The following FOXP2 variants were observed in gnomAD, a reference collection of about 807,000 sequenced individuals.
The protein encoded by FOXP2 is forkhead box P2.
In FOXP2, 12 loss-of-function variants were observed where a neutral mutation model predicts 115.8. The ratio of observed to expected loss-of-function variants is 0.10; its 90% confidence interval spans 0.07 to 0.17. The LOEUF (loss-of-function observed/expected upper bound fraction) is 0.17. FOXP2 is among the 10% of genes least tolerant of loss of function. The pLI is 1.00. For synonymous variants in FOXP2, 328 were observed against 297.7 expected, an observed-to-expected ratio of 1.10 and a Z score of -1.05; for missense variants, 629 against 843.5, an observed-to-expected ratio of 0.75 and a Z score of 3.15.
At chr7:114,108,426 T>G (rs1195067571) in intron 1 of FOXP2, among the ~76,000 whole-genome samples, 2 of 152,036 alleles carry the variant, frequency 1.3e-5, no homozygotes, top group African/African-American at 4.8e-5. Flanking sequence ...TCTGCTTTTG[T>G]TAATACATTT....
chr7:114,496,689 A>G (rs1797335011), intron 2 of FOXP2, among the ~76,000 whole-genome samples: 1 of 152,204 alleles, frequency 6.6e-6, no homozygotes, highest in South Asian at 2.1e-4. Context: ...CAGCAAATGT[A>G]TAGAAGGTTC....
upstream of FOXP2, among the ~76,000 whole-genome samples, chr7:114,161,638 GT>G (rs1792835566): frequency 6.6e-6 from 1 of 150,758 alleles, no homozygotes; most frequent in Admixed American, 6.6e-5. Context: ...ACACGTGTAT[GT>G]GTGTGTGTGT....
chr7:114,351,124 G>T (rs118183959), intron 2 of FOXP2, among the ~76,000 whole-genome samples: 1 of 152,246 alleles, frequency 6.6e-6, no homozygotes, highest in East Asian at 1.9e-4. Context: ...GAATCCATAA[G>T]TGCAGAACCC....
chr7:114,225,379 C>T (rs762238263), intron 1 of FOXP2, among the ~76,000 whole-genome samples: 26 of 151,162 alleles, frequency 1.7e-4, no homozygotes, highest in Non-Finnish European at 2.8e-4. Flanking sequence ...TACTTTGGCT[C>T]TCAACTTTTT....
At chr7:114,290,585 A>G (rs1485086982) in intron 2 of FOXP2, among the ~76,000 whole-genome samples, 2 of 152,104 alleles carry the variant, frequency 1.3e-5, no homozygotes, top group Admixed American at 1.3e-4. Flanking sequence ...TAAATGGACT[A>G]TGTAGGAAGC....
chr7:114,335,406 C>CA (rs1228062930), intron 2 of FOXP2, among the ~76,000 whole-genome samples: 9 of 151,682 alleles, frequency 5.9e-5, no homozygotes, highest in Non-Finnish European at 1.0e-4. Flanking sequence ...CACAAAGAAA[C>CA]AATTTATCTA....
intron 2 of FOXP2, among the ~76,000 whole-genome samples, chr7:114,373,423 A>G (rs1452820131): frequency 6.6e-6 from 1 of 152,218 alleles, no homozygotes; most frequent in Non-Finnish European, 1.5e-5. Context: ...CAGCCTGTCC[A>G]CAAATGCTGA....
intron 2 of FOXP2, among the ~76,000 whole-genome samples, chr7:114,379,985 T>C (rs1399964803): frequency 6.6e-6 from 1 of 152,214 alleles, no homozygotes; most frequent in Non-Finnish European, 1.5e-5. Context: ...TTTTTCCTGC[T>C]GAGTACTAGG....
intron 1 of FOXP2, among the ~76,000 whole-genome samples, chr7:114,425,778 T>A (rs994354384): frequency 1.3e-5 from 2 of 151,658 alleles, no homozygotes; most frequent in African/African-American, 4.8e-5. Context: ...TGATTGCTGC[T>A]CATGCATAAG....
intron 1 of FOXP2, among the ~76,000 whole-genome samples, chr7:114,256,332 C>T (rs923501583): frequency 1.3e-5 from 2 of 152,128 alleles, no homozygotes; most frequent in African/African-American, 2.4e-5. Context: ...GTCTCAAACT[C>T]CCAACCTCAG....
intron 1 of FOXP2, among the ~76,000 whole-genome samples, chr7:114,154,004 A>G (rs1584510894): frequency 6.6e-6 from 1 of 152,138 alleles, no homozygotes; most frequent in Non-Finnish European, 1.5e-5. Context: ...TTGTATTTGT[A>G]TTTTGTTATG....
chr7:114,339,178 G>A (rs1791132772), intron 2 of FOXP2, among the ~76,000 whole-genome samples: 1 of 151,038 alleles, frequency 6.6e-6, no homozygotes, highest in African/African-American at 2.4e-5. Flanking sequence ...TACTCCCAGT[G>A]GCTCAGTTCT....
chr7:114,570,955 A>C (rs141491371), intron 3 of FOXP2: 1 of 1,290,710 alleles, frequency 7.7e-7, no homozygotes, highest in Non-Finnish European at 1.1e-6. Flanking sequence ...TAAATAGATT[A>C]TATGTGATTT....
intron 2 of FOXP2, among the ~76,000 whole-genome samples, chr7:114,533,181 C>A (rs1397124413): frequency 6.6e-6 from 1 of 151,892 alleles, no homozygotes; most frequent in Non-Finnish European, 1.5e-5. Context: ...ACAAACTATG[C>A]CAGATCCTGC....
At chr7:114,189,784 A>C (rs1158409839) in intron 1 of FOXP2, among the ~76,000 whole-genome samples, 5 of 152,188 alleles carry the variant, frequency 3.3e-5, no homozygotes, top group African/African-American at 2.4e-5. Context: ...TTTAGAGATC[A>C]CTAGGTGCCC....
chr7:114,301,159 G>A (rs1007983275), intron 2 of FOXP2, among the ~76,000 whole-genome samples: 6 of 152,008 alleles, frequency 3.9e-5, no homozygotes, highest in African/African-American at 9.7e-5. Flanking sequence ...GCCAAAAAGA[G>A]TGATACATAG....
In FOXP2 at chr7:114,179,356, C is replaced by G. The variant is rs144751133; in HGVS notation, c.-102+16268C>G. ...ATGTGTGTATTGTTTATATGCAGAT[C>G]CTTACCTGAAACATTTTTGTTTTCT... On this transcript the variant is annotated intron_variant, in intron 1 of 17. Coordinates refer to the FOXP2 transcript ENST00000634411. 2.7e-3 allele frequency among the ~76,000 whole-genome samples: 407 copies of G among 151,888 alleles called. 3 individuals are homozygous for G. The highest frequency in any genetic ancestry group is 9.4e-3 in the African/African-American group (389 of 41,460).
intron 2 of FOXP2, among the ~76,000 whole-genome samples, chr7:114,467,174 TTAA>T (rs1795838539): frequency 6.6e-6 from 1 of 152,208 alleles, no homozygotes; most frequent in Non-Finnish European, 1.5e-5. Flanking sequence ...TAGAATTTGT[TTAA>T]TGTGTGGTTT....
intron 4 of FOXP2, chr7:114,628,923 A>G: frequency 2.1e-6 from 1 of 480,374 alleles, no homozygotes; most frequent in Non-Finnish European, 3.7e-6. Context: ...AAATGGAATG[A>G]GCCAATATTT....
Sources: gnomAD v4.1 joint callset for allele counts (sites outside exome capture counted in the v4.1 genomes callset) on GRCh38, gnomAD v4.1.1 for gene constraint, MANE v1.5 for transcripts, NCBI Gene and HGNC (gene_info 2026-07-23, HGNC 2026-07-21) for gene names.